The following PARD3B variants were observed in gnomAD, a reference collection of about 807,000 sequenced individuals.
The protein encoded by PARD3B is partitioning defective 3 homolog B.
Under a neutral mutation model 130.2 loss-of-function variants are expected in PARD3B, and 103 were observed. The observed-to-expected ratio is 0.79, with a 90% CI of 0.67 to 0.93. PARD3B has a LOEUF of 0.93. Among genes scored for constraint, PARD3B ranks in the 40% least tolerant of loss-of-function variants. The pLI is 0.00. For missense variants in PARD3B, 1,609 were observed against 1,499.2 expected (o/e 1.07, Z -1.21); for synonymous variants, 583 against 553.2 (o/e 1.05, Z -0.76).
At chr2:204,631,229 G>A (rs895602907) in intron 1 of PARD3B, among the ~76,000 whole-genome samples, 1 of 148,214 alleles carries the variant, frequency 6.7e-6, no homozygotes, top group Admixed American at 7.0e-5. Context: ...TTGTACCGAT[G>A]GGTCTTAGTT....
intron 1 of PARD3B, among the ~76,000 whole-genome samples, chr2:204,554,716 C>T (rs1456770552): frequency 6.6e-6 from 1 of 151,916 alleles, no homozygotes; most frequent in East Asian, 1.9e-4. Flanking sequence ...AAATTATAAT[C>T]AGGTCATGTC....
At chr2:205,442,954 C>T (rs559043373) in intron 20 of PARD3B, among the ~76,000 whole-genome samples, 11 of 152,164 alleles carry the variant, frequency 7.2e-5, no homozygotes, top group South Asian at 4.2e-4. Flanking sequence ...GAGTTTTCAC[C>T]GCTGTCCTAT....
chr2:205,104,685 A>G, intron 5 of PARD3B, among the ~76,000 whole-genome samples, 171 bp downstream of exon 5: 1 of 152,208 alleles, frequency 6.6e-6, no homozygotes, highest in South Asian at 2.1e-4. Flanking sequence ...TGTTTTCTTC[A>G]TATGAGAACT....
At chr2:204,746,497 A>G (rs2040234851) in intron 2 of PARD3B, among the ~76,000 whole-genome samples, 1 of 152,170 alleles carries the variant, frequency 6.6e-6, no homozygotes, top group African/African-American at 2.4e-5. Context: ...GTATATACCC[A>G]GTAATGGGAT....
At chr2:204,686,313 T>G (rs779753480) in intron 2 of PARD3B, 31 bp downstream of exon 2, 48 of 1,463,958 alleles carry the variant, frequency 3.3e-5, no homozygotes, top group Middle Eastern at 3.5e-4. Flanking sequence ...GCCTCTTTGT[T>G]TTCCTCTACA....
intron 20 of PARD3B, among the ~76,000 whole-genome samples, chr2:205,487,421 C>T (rs985047824): frequency 1.3e-5 from 2 of 151,704 alleles, no homozygotes; most frequent in African/African-American, 4.8e-5. Context: ...TCACTATGCA[C>T]TATCCTGACT....
chr2:204,742,242 A>G (rs1365374344), intron 2 of PARD3B, among the ~76,000 whole-genome samples: 1 of 152,226 alleles, frequency 6.6e-6, no homozygotes, highest in Non-Finnish European at 1.5e-5. Context: ...TTAACATTAT[A>G]CGTATATGTA....
chr2:205,158,093 A>T lies in PARD3B; in HGVS notation c.1435-629A>T, dbSNP rs2034289059. ...TGGCAGTGAGTTATACTACCTGAAG[A>T]TGCAGGCTGAAAGCATGAGTTTTGA... On this transcript the variant is annotated intron_variant, in intron 10 of 22. Transcript: ENST00000406610. This position sits in a 1 kb window ranked among gnomAD's most constrained non-coding sequence, Gnocchi z 5.4. Among the ~76,000 whole-genome samples the T allele has an allele frequency of 1.3e-5, 2 of 152,198 alleles. No individual in the cohort carries two copies. The highest frequency in any genetic ancestry group is 1.3e-4 in the Admixed American group (2 of 15,282).
At chr2:204,863,363 C>G (rs902239628) in intron 2 of PARD3B, among the ~76,000 whole-genome samples, 1 of 152,138 alleles carries the variant, frequency 6.6e-6, no homozygotes, top group Non-Finnish European at 1.5e-5. Flanking sequence ...GGTGAGGAGT[C>G]GTACTCTCAG....
At chr2:204,680,353 G>A (rs573534803) in intron 1 of PARD3B, among the ~76,000 whole-genome samples, 2 of 151,884 alleles carry the variant, frequency 1.3e-5, no homozygotes, top group African/African-American at 2.4e-5. Context: ...TAAATTTATA[G>A]GTCCAAGGTT....
intron 15 of PARD3B, among the ~76,000 whole-genome samples, chr2:205,194,590 A>C (rs2036567366): frequency 6.6e-6 from 1 of 152,194 alleles, no homozygotes; most frequent in East Asian, 1.9e-4. Flanking sequence ...AATGGATCAA[A>C]ACTGCTCTTA....
chr2:205,330,900 C>G (rs950669100), intron 18 of PARD3B, among the ~76,000 whole-genome samples: 2 of 152,158 alleles, frequency 1.3e-5, no homozygotes, highest in Non-Finnish European at 2.9e-5. Flanking sequence ...CTAAAGCAGA[C>G]ATAGTTTTAT....
chr2:204,959,835 C>T (rs576417546), intron 2 of PARD3B, among the ~76,000 whole-genome samples: 8 of 152,254 alleles, frequency 5.3e-5, no homozygotes, highest in African/African-American at 9.6e-5. Context: ...CACCAGTCAG[C>T]CCTGGCAATT....
At chr2:204,803,795 G>C (rs2042663642) in intron 2 of PARD3B, among the ~76,000 whole-genome samples, 1 of 152,078 alleles carries the variant, frequency 6.6e-6, no homozygotes, top group Non-Finnish European at 1.5e-5. Flanking sequence ...AAGAAGGAAG[G>C]AGGAGACCAC....
At chr2:205,337,920 CG>C (rs1324027304) in intron 18 of PARD3B, among the ~76,000 whole-genome samples, 1 of 151,928 alleles carries the variant, frequency 6.6e-6, no homozygotes, top group African/African-American at 2.4e-5. Context: ...GAGGCCAAGG[CG>C]GGTGGATCAC....
At chr2:205,204,590 T>G (rs11884726) in intron 15 of PARD3B, among the ~76,000 whole-genome samples, 25,639 of 152,014 alleles carry the variant, frequency 0.17, 2,500 homozygotes, top group African/African-American at 0.27. Context: ...TAGGCATTAT[T>G]TTTAAGTCTT....
At chr2:204,942,663 C>A (rs1000644907) in intron 2 of PARD3B, among the ~76,000 whole-genome samples, 1 of 151,514 alleles carries the variant, frequency 6.6e-6, no homozygotes, top group Non-Finnish European at 1.5e-5. Context: ...ACACTTTGGT[C>A]ACCAGTGAAC....
At chr2:204,796,539 G>C (rs1012858644) in intron 2 of PARD3B, among the ~76,000 whole-genome samples, 1 of 152,220 alleles carries the variant, frequency 6.6e-6, no homozygotes, top group Non-Finnish European at 1.5e-5. Context: ...CGTAGACCAT[G>C]AATGTGAAAC....
At chr2:205,126,576 C>T (rs536190921) in intron 10 of PARD3B, among the ~76,000 whole-genome samples, 1 of 143,262 alleles carries the variant, frequency 7.0e-6, no homozygotes, top group South Asian at 2.2e-4. Context: ...CCCGTCTCTA[C>T]TAAAAATACA....
Sources: allele counts gnomAD v4.1 joint callset (sites outside exome capture counted in the v4.1 genomes callset), GRCh38; gene constraint gnomAD v4.1.1; non-coding constraint Gnocchi (gnomAD v3.1); transcripts MANE v1.5; gene names NCBI Gene and HGNC (gene_info 2026-07-23, HGNC 2026-07-21).